The following SLC7A6OS variants were observed in gnomAD, a reference collection of about 807,000 sequenced individuals.
The protein encoded by SLC7A6OS is solute carrier family 7 member 6 opposite strand.
A neutral mutation model predicts 34.3 loss-of-function variants in SLC7A6OS; 22 were observed. The observed-to-expected ratio is 0.64, with a 90% CI of 0.46 to 0.92. The LOEUF is 0.92. SLC7A6OS is among the 40% of genes least tolerant of loss of function. The pLI is 0.00. For missense variants in SLC7A6OS, 434 were observed against 407.7 expected, an observed-to-expected ratio of 1.06 and a Z score of -0.56; for synonymous variants, 199 against 165.0, an observed-to-expected ratio of 1.21 and a Z score of -1.58.
In SLC7A6OS at chr16:68,300,870, C is replaced by T. The variant is rs570921142; in HGVS notation, c.*405G>A. ...ATTCTATCAAAAGGAACAGGGTTTT[C>T]CTAGAGGCAGGCAGCCTGGTGGTAT... On this transcript the variant is annotated 3_prime_UTR_variant, in exon 5 of 5. Coordinates refer to ENST00000263997, the MANE Select transcript of SLC7A6OS (RefSeq NM_032178.3). 1 of 989,504 alleles carries T rather than the reference C, an allele frequency of 1.0e-6. No individual in the cohort carries two copies. Among genetic ancestry groups the T allele is most frequent in the South Asian group, 4.6e-5 (1 of 21,552 alleles). 61.3% of individuals were successfully genotyped at this position (989,504 alleles called of 1,614,324 possible).
chr16:68,301,276 C>T lies in SLC7A6OS; in HGVS notation c.929G>A (p.Ter310=). The T allele has an allele frequency of 6.2e-7, 1 of 1,613,994 alleles. No individual in the cohort carries two copies. Among genetic ancestry groups the T allele is most frequent in the South Asian group, 1.1e-5 (1 of 91,066 alleles). The change falls in exon 5 of 5, where the codon TGA becomes TAA. Residue 310 remains the stop codon, a stop_retained_variant. Transcript: ENST00000263997. ...AACCTCATGGACATCACAAGACCAT[C>T]AGTCTGAATCCAGGTCGTGGGGGCT... ...YDSPHDLDSD[*] is the part of the protein sequence containing the mutation.
At chr16:68,302,122 G>C (rs2043286898) in intron 4 of SLC7A6OS, 1 of 457,958 alleles carries the variant, frequency 2.2e-6, no homozygotes, top group African/African-American at 2.0e-5. Flanking sequence ...GAGGCTCAGT[G>C]AGGTGAAGTA....
At chr16:68,304,302 T>A (rs2043310488) in intron 2 of SLC7A6OS, 70 bp from the exon 3 acceptor site, 1 of 1,408,874 alleles carries the variant, frequency 7.1e-7, no homozygotes, top group Admixed American at 1.7e-5. Flanking sequence ...GAGGAACCTA[T>A]GAGTTGGGTG....
chr16:68,308,047 G>A (rs895912503), intron 2 of SLC7A6OS, among the ~76,000 whole-genome samples: 5 of 151,928 alleles, frequency 3.3e-5, no homozygotes, highest in Non-Finnish European at 5.9e-5. Flanking sequence ...GATTACAGGC[G>A]CCCGCCACCA....
rs994249061 is a variant in SLC7A6OS at position 68,299,507 on chromosome 16, G to T, written c.*1768C>A. 2 of 152,614 alleles carry T rather than the reference G, an allele frequency of 1.3e-5. No individual in the cohort carries two copies. Among genetic ancestry groups the T allele is most frequent in the Non-Finnish European group, 2.9e-5 (2 of 68,056 alleles). 9.5% of individuals were successfully genotyped at this position (152,614 alleles called of 1,614,324 possible). A position where few individuals can be genotyped will look rare whatever the true frequency, so the allele number is the denominator to read the frequency against. ...ATCCCTACAGCACTCAAGCTTCATG[G>T]TGGAATTAATTTCTGCCAGCTCTTT... On this transcript the variant is annotated 3_prime_UTR_variant, in exon 5 of 5. Transcript: ENST00000263997.
chr16:68,303,955 G>C, intron 3 of SLC7A6OS, 71 bp downstream of exon 3: 1 of 1,379,820 alleles, frequency 7.2e-7, no homozygotes, highest in South Asian at 1.2e-5. Flanking sequence ...GGAGCCCAGG[G>C]AAGCAAAGCA....
chr16:68,304,596 A>G lies in SLC7A6OS; in HGVS notation c.472-364T>C, dbSNP rs138021308. Among the ~76,000 whole-genome samples the G allele has an allele frequency of 8.8e-3, 1,342 of 152,260 alleles. 21 individuals are homozygous for G. Among genetic ancestry groups the G allele is most frequent in the African/African-American group, 0.031 (1,269 of 41,542 alleles). The stretch of plus-strand genomic sequence containing the variant: ...CCCAGCCTCCCAAAGTGCTGGGATT[A>G]CAGGTGTGAGCCACCTTGCTCAGCT... On this transcript the variant is annotated intron_variant, in intron 2 of 4. Transcript: ENST00000263997.
intron 4 of SLC7A6OS, 38 bp downstream of exon 4, chr16:68,302,343 A>G: frequency 1.2e-6 from 2 of 1,612,680 alleles, no homozygotes; most frequent in Non-Finnish European, 1.7e-6. Flanking sequence ...TCAGTCTCAG[A>G]TCCTACCAGT....
At chr16:68,301,787 T>C (rs1238094212) in intron 4 of SLC7A6OS, 10 of 163,034 alleles carry the variant, frequency 6.1e-5, no homozygotes, top group Admixed American at 5.6e-4. Flanking sequence ...CATTTCTCTG[T>C]TATCAGACAC....
Position 68,300,574 on chromosome 16 carries a change from T to C in SLC7A6OS, c.*701A>G, listed in dbSNP as rs2043252937. ...TTCTATTTCACTACCGCTCCCTGTT[T>C]TAGATATTCAGATTTAAAAGGTTTT... On this transcript the variant is annotated 3_prime_UTR_variant, in exon 5 of 5. Transcript: ENST00000263997. 1.0e-6 allele frequency: 1 copy of C among 967,234 alleles called. No homozygotes were observed. The allele number at this position is 967,234 out of a possible 1,614,324, so 59.9% of individuals were successfully genotyped here. A position where few individuals can be genotyped will look rare whatever the true frequency, so the allele number is the denominator to read the frequency against.
rs200379045 is a variant in SLC7A6OS at position 68,302,497 on chromosome 16, T to C, written c.683A>G (p.Asn228Ser). 53 of 1,614,174 alleles carry C rather than the reference T, an allele frequency of 3.3e-5. No homozygotes were observed. In the East Asian group the frequency reaches 1.0e-3, roughly 31 times the overall value. The change falls in exon 4 of 5, where the codon AAT becomes AGT. Residue 228 changes from asparagine to serine, a missense_variant. By Grantham distance (46) the Asn-to-Ser change is conservative. Coordinates refer to ENST00000263997, the MANE Select transcript of SLC7A6OS (RefSeq NM_032178.3). ...QPYSQEWELV[N>S]DDQEPEDIYD... ...AATGTCCTCTGGTTCTTGATCATCA[T>C]TCACCTACACATCTCAACACAAACA... is the stretch of plus-strand genomic sequence containing the variant.
intron 2 of SLC7A6OS, among the ~76,000 whole-genome samples, chr16:68,304,837 G>A (rs2043315359): frequency 1.3e-5 from 2 of 152,236 alleles, no homozygotes; most frequent in East Asian, 3.9e-4. Flanking sequence ...GCTTGCTTGA[G>A]CCCAGAAGCT....
Position 68,310,405 on chromosome 16 carries a change from G to GAA in SLC7A6OS, c.400_401insTT (p.Ser134PhefsTer7). The GAA allele has an allele frequency of 6.2e-7, 1 of 1,611,864 alleles. No homozygotes were observed. The highest frequency in any genetic ancestry group is 8.5e-7 in the Non-Finnish European group (1 of 1,179,316). On this transcript the variant is annotated frameshift_variant, in exon 2 of 5. Coordinates refer to ENST00000263997, the MANE Select transcript of SLC7A6OS (RefSeq NM_032178.3). LOFTEE classifies it high-confidence loss of function. Reference sequence around the variant, plus strand: ...GACAAGGTCTAACAACTGAAAGCCCGAGTTCCCGGCGGCTTCTGGGTTCCC... The same window carrying GAA: ...GACAAGGTCTAACAACTGAAAGCCCGAAAGTTCCCGGCGGCTTCTGGGTTCCC...
intron 1 of SLC7A6OS, 26 bp from the exon 2 acceptor site, chr16:68,310,639 C>A (rs778831632): frequency 2.5e-6 from 4 of 1,583,550 alleles, no homozygotes; most frequent in Non-Finnish European, 3.4e-6. Flanking sequence ...GGACGGAGGC[C>A]AGCGTAAGCA....
At chr16:68,309,900 CT>C (rs1373629542) in intron 2 of SLC7A6OS, among the ~76,000 whole-genome samples, 1 of 152,160 alleles carries the variant, frequency 6.6e-6, no homozygotes, top group African/African-American at 2.4e-5. Context: ...GCTTAAGGGC[CT>C]CTTTACTTTC....
At chr16:68,309,288 G>C (rs546210587) in intron 2 of SLC7A6OS, among the ~76,000 whole-genome samples, 1 of 152,214 alleles carries the variant, frequency 6.6e-6, no homozygotes, top group East Asian at 1.9e-4. Context: ...GTAGTGACAA[G>C]GTCTTGCTTT....
rs1448625564 is a variant in SLC7A6OS, at chr16:68,304,232, T to G, written c.472A>C (p.Thr158Pro). Residue 158 changes from threonine to proline, a missense_variant and splice_region_variant, in exon 3 of 5, where the codon ACA (threonine) becomes CCA (proline). Physicochemically the swap from Thr to Pro is conservative, Grantham distance 38. Transcript: ENST00000263997. ...PEAASAGSCK[T>P]SDPDVILCNS... is the part of the protein sequence containing the mutation. ...CAGAGGATCACATCTGGGTCAGATG[T>G]CTGTAAAGAAACCACAGATTACACA... 6.2e-7 allele frequency: 1 copy of G among 1,614,010 alleles called. No individual in the cohort carries two copies. Among genetic ancestry groups the G allele is most frequent in the Admixed American group, 1.7e-5 (1 of 60,018 alleles).
intron 2 of SLC7A6OS, among the ~76,000 whole-genome samples, chr16:68,305,393 A>G (rs2043319681): frequency 6.6e-6 from 1 of 152,210 alleles, no homozygotes; most frequent in African/African-American, 2.4e-5. Context: ...ATGCCCCAGA[A>G]TAGAAATGGC....
Position 68,310,470 on chromosome 16 carries a change from C to A in SLC7A6OS, c.336G>T (p.Leu112Phe), listed in dbSNP as rs1249757913. 1 of 1,599,016 alleles carries A rather than the reference C, an allele frequency of 6.3e-7. No individual in the cohort carries two copies. The highest frequency in any genetic ancestry group is 8.5e-7 in the Non-Finnish European group (1 of 1,173,182). Reference protein sequence around the residue: ...RYRVLSSRRSLGTTSSGQESE... With the variant: ...RYRVLSSRRSFGTTSSGQESE... ...ACTCCTGGCCGCTCGAGGTGGTCCC[C>A]AAGGATCGGCGGCTGGAAAGCACCC... The change falls in exon 2 of 5, where the codon TTG becomes TTT. Residue 112 changes from leucine (L) to phenylalanine (F), a missense_variant. Coordinates refer to ENST00000263997, the MANE Select transcript of SLC7A6OS (RefSeq NM_032178.3).
Sources: allele counts gnomAD v4.1 joint callset (sites outside exome capture counted in the v4.1 genomes callset), GRCh38; gene constraint gnomAD v4.1.1; transcripts MANE v1.5; gene names NCBI Gene and HGNC (gene_info 2026-07-23, HGNC 2026-07-21).